The following SNTB2 variants were observed in gnomAD, a reference collection of about 807,000 sequenced individuals.
The protein encoded by SNTB2 is syntrophin beta 2.
SNTB2 carries 34 observed loss-of-function variants against 46.2 expected under a neutral mutation model. The observed-to-expected ratio is 0.74, with a 90% CI of 0.56 to 0.98. The LOEUF is 0.98. SNTB2 is among the 50% of genes least tolerant of loss of function. The pLI is 0.00. For missense variants in SNTB2, 603 were observed against 731.4 expected (o/e 0.82, Z 2.02); for synonymous variants, 290 against 312.6 (o/e 0.93, Z 0.76).
At chr16:69,224,006 G>A (rs1217016036) in intron 1 of SNTB2, among the ~76,000 whole-genome samples, 1 of 152,088 alleles carries the variant, frequency 6.6e-6, no homozygotes, top group African/African-American at 2.4e-5. Context: ...TTTGTAGAAT[G>A]TCCCTCAATT....
chr16:69,308,807 G>C lies in SNTB2; in HGVS notation c.*7883G>C, dbSNP rs762424709. 1.3e-5 allele frequency: 2 copies of C among 152,088 alleles called. No individual in the cohort carries two copies. The highest frequency in any genetic ancestry group is 2.9e-5 in the Non-Finnish European group (2 of 68,018). The allele number at this position is 152,088 out of a possible 1,614,324, so 9.4% of individuals were successfully genotyped here. ...AGTCTTGTTTGAAATTTAAGTCTCA[G>C]ATCTTCTGGATACCAAATCAAAAAC... On this transcript the variant is annotated 3_prime_UTR_variant, in exon 7 of 7. Transcript: ENST00000336278.
At chr16:69,233,603 T>TA (rs1279085695) in intron 1 of SNTB2, among the ~76,000 whole-genome samples, 6 of 152,142 alleles carry the variant, frequency 3.9e-5, no homozygotes, top group Non-Finnish European at 8.8e-5. Context: ...TGGCAGTACT[T>TA]ACCATGATGC....
chr16:69,245,703 A>T lies in SNTB2; in HGVS notation c.682A>T (p.Ser228Cys). 1 of 1,614,170 alleles carries T rather than the reference A, an allele frequency of 6.2e-7. No individual in the cohort carries two copies. The highest frequency in any genetic ancestry group is 8.5e-7 in the Non-Finnish European group (1 of 1,180,036). ...CCCCCAGTCACCAAGCTTTAGTGGC[A>T]GTGAGGACTCTGGTTCGCCAAAACA... ...AAPQSPSFSG[S>C]EDSGSPKHQN... is the part of the protein sequence containing the mutation. Residue 228 changes from serine (S) to cysteine (C), a missense_variant, in exon 2 of 7, where the codon AGT becomes TGT. This residue lies in a region of SNTB2 where 537 missense variants were observed against 692.4 expected (regional missense o/e 0.78). Transcript: ENST00000336278.
Position 69,303,478 on chromosome 16 carries a change from G to T in SNTB2, c.*2554G>T, listed in dbSNP as rs1214066186. ...TGGAATTAAAATGTGAGCAGGAAAG[G>T]CAAGGCATGTGTGCATTTTCACTCA... On this transcript the variant is annotated 3_prime_UTR_variant, in exon 7 of 7. Coordinates refer to ENST00000336278, the MANE Select transcript of SNTB2 (RefSeq NM_006750.4). 6.6e-6 allele frequency: 1 copy of T among 152,594 alleles called. No individual in the cohort carries two copies. The highest frequency in any genetic ancestry group is 1.5e-5 in the Non-Finnish European group (1 of 68,062). The allele number at this position is 152,594 out of a possible 1,614,324, so 9.5% of individuals were successfully genotyped here.
chr16:69,230,747 C>CT (rs564432836), intron 1 of SNTB2, among the ~76,000 whole-genome samples: 11,876 of 136,736 alleles, frequency 0.087, 542 homozygotes, highest in African/African-American at 0.12. Context: ...CCGTTTCTTT[C>CT]TTTTTTTTTT....
chr16:69,253,647 TCAAAAA>T (rs777330540), intron 2 of SNTB2, among the ~76,000 whole-genome samples: 24 of 152,268 alleles, frequency 1.6e-4, no homozygotes, highest in Middle Eastern at 3.4e-3. Context: ...AGACTCTGTC[TCAAAAA>T]CAAAAACAAA....
intron 2 of SNTB2, among the ~76,000 whole-genome samples, chr16:69,250,579 T>G (rs1033173452): frequency 6.6e-6 from 1 of 152,210 alleles, no homozygotes; most frequent in African/African-American, 2.4e-5. Flanking sequence ...CTCAACTATG[T>G]ACTTTAGAAT....
chr16:69,213,804 T>A, intron 1 of SNTB2, among the ~76,000 whole-genome samples: 1 of 146,376 alleles, frequency 6.8e-6, no homozygotes, highest in Admixed American at 6.9e-5. Flanking sequence ...AGCTGATAAA[T>A]ACTATCATTT....
At chr16:69,196,729 A>G (rs1292394905) in intron 1 of SNTB2, among the ~76,000 whole-genome samples, 2 of 152,162 alleles carry the variant, frequency 1.3e-5, no homozygotes. Flanking sequence ...CATATAAAAT[A>G]TAAATAAATT....
intron 5 of SNTB2, among the ~76,000 whole-genome samples, chr16:69,297,372 C>T (rs1282291388): frequency 2.0e-5 from 3 of 148,306 alleles, no homozygotes; most frequent in South Asian, 4.3e-4. Flanking sequence ...ATAATCCCAG[C>T]ACTTTGGGAG....
At chr16:69,298,161 C>T (rs1353324733) in intron 5 of SNTB2, among the ~76,000 whole-genome samples, 1 of 152,040 alleles carries the variant, frequency 6.6e-6, no homozygotes, top group Non-Finnish European at 1.5e-5. Flanking sequence ...TGTTCTCTAG[C>T]GCCTGGCCTC....
At chr16:69,235,755 A>G in intron 1 of SNTB2, 11 of 1,289,334 alleles carry the variant, frequency 8.5e-6, no homozygotes, top group Non-Finnish European at 1.1e-5. Flanking sequence ...CAGGCCTATA[A>G]TGAGGAAATT....
intron 1 of SNTB2, among the ~76,000 whole-genome samples, chr16:69,225,207 T>C (rs932740536): frequency 1.3e-5 from 2 of 152,252 alleles, no homozygotes; most frequent in African/African-American, 4.8e-5. Flanking sequence ...TGGAGGACTT[T>C]CTTGTTCCTA....
chr16:69,292,418 T>TTATATA (rs1491147095), intron 5 of SNTB2, among the ~76,000 whole-genome samples: 1 of 14,252 alleles, frequency 7.0e-5, no homozygotes, highest in Non-Finnish European at 1.1e-4. Context: ...TATATATATA[T>TTATATA]TATATATATA....
intron 2 of SNTB2, among the ~76,000 whole-genome samples, chr16:69,257,846 A>G (rs1337609878): frequency 3.9e-5 from 6 of 152,244 alleles, no homozygotes; most frequent in African/African-American, 1.4e-4. Context: ...ACTGGTAGGT[A>G]GGCCTGGAAG....
At chr16:69,217,601 T>G (rs1032073297) in intron 1 of SNTB2, among the ~76,000 whole-genome samples, 6 of 152,212 alleles carry the variant, frequency 3.9e-5, no homozygotes, top group African/African-American at 1.4e-4. Context: ...CAAGCTTGAG[T>G]TCTGACTCAT....
At chr16:69,187,773 G>GGGGGGGGGGGGGGGGGGGCC in intron 1 of SNTB2, 27 bp downstream of exon 1, 2 of 331,854 alleles carry the variant, frequency 6.0e-6, no homozygotes, top group Non-Finnish European at 1.1e-5. Context: ...GGGAGGGTGG[G>GGGGGGGGGGGGGGGGGGGCC]CAGGCCGCGG....
intron 1 of SNTB2, among the ~76,000 whole-genome samples, chr16:69,193,747 A>G (rs951742289): frequency 2.6e-5 from 4 of 152,194 alleles, no homozygotes; most frequent in Non-Finnish European, 5.9e-5. Flanking sequence ...CATTTAAACT[A>G]GTTCAGATAA....
rs529808639 is a variant in SNTB2 at position 69,293,723 on chromosome 16, A to G, written c.1346-5867A>G. Among the ~76,000 whole-genome samples, 5 of 152,336 alleles carry G rather than the reference A, an allele frequency of 3.3e-5. No individual in the cohort carries two copies. The South Asian group carries it at 1.0e-3, about 32-fold the overall frequency. On this transcript the variant is annotated intron_variant, in intron 5 of 6. Transcript: ENST00000336278. The stretch of plus-strand genomic sequence containing the variant: ...AATGGGAGGGATCTGATTCAGAGGG[A>G]CATGTTGAAAACACAAGAGGTAGAA...
Sources: allele counts gnomAD v4.1 joint callset (sites outside exome capture counted in the v4.1 genomes callset), GRCh38; gene constraint gnomAD v4.1.1; regional missense constraint gnomAD v4.1.1; transcripts MANE v1.5; gene names NCBI Gene and HGNC (gene_info 2026-07-23, HGNC 2026-07-21).